Variants in ACSM4 observed in about 807,000 individuals in gnomAD.
The protein encoded by ACSM4 is acyl-coenzyme A synthetase ACSM4, mitochondrial.
Under a neutral mutation model 73.0 loss-of-function variants are expected in ACSM4, and 66 were observed. The ratio of observed to expected loss-of-function variants is 0.90; its 90% CI spans 0.74 to 1.11. The LOEUF (loss-of-function observed/expected upper bound fraction) is 1.11, where lower values mean the gene tolerates loss of function less well. Ranked by LOEUF, ACSM4 falls within the 50% of genes least tolerant of loss-of-function variation. The probability of loss-of-function intolerance (pLI) is 0.00; values close to 1 mark genes in which losing one functional copy is unlikely to be tolerated. For synonymous variants in ACSM4, 222 were observed against 254.0 expected (o/e 0.87, Z 1.20); for missense variants, 645 against 714.4 (o/e 0.90, Z 1.11).
chr12:7,309,198 G>T (rs1352663630), intron 2 of ACSM4, among the ~76,000 whole-genome samples: 2 of 152,160 alleles, frequency 1.3e-5, no homozygotes, highest in Non-Finnish European at 2.9e-5. Context: ...GATGAAATGA[G>T]GAGGTGAGAT....
intron 2 of ACSM4, among the ~76,000 whole-genome samples, chr12:7,307,078 C>A (rs1946366596): frequency 6.6e-6 from 1 of 152,062 alleles, no homozygotes; most frequent in African/African-American, 2.4e-5. Flanking sequence ...CATACTGAAA[C>A]CCCGTCTCTA....
intron 6 of ACSM4, among the ~76,000 whole-genome samples, chr12:7,321,473 G>C (rs1946463237): frequency 6.6e-6 from 1 of 152,342 alleles, no homozygotes; most frequent in Admixed American, 6.5e-5. Context: ...GAGGGAAAGT[G>C]CTATGCGAGA....
At chr12:7,326,862 T>A in intron 11 of ACSM4, 114 bp from the exon 12 acceptor site, 4 of 1,193,354 alleles carry the variant, frequency 3.4e-6, no homozygotes, top group Non-Finnish European at 4.5e-6. Flanking sequence ...GCATTTGCAG[T>A]CATCACACAA....
rs779833405 is a variant in ACSM4, at chr12:7,311,844, C to A, written c.620+1098C>A. 3.9e-5 allele frequency among the ~76,000 whole-genome samples: 6 copies of A among 152,232 alleles called. No homozygotes were observed. In the South Asian group the frequency reaches 1.2e-3, roughly 32 times the overall value. On this transcript the variant is annotated intron_variant, in intron 3 of 12. Transcript: ENST00000399422. ...AGCTGGGATTACAGGCACCTGCCAC[C>A]ACCCCTGGCTCATTTTTGTATTTTT... is the stretch of plus-strand genomic sequence containing the variant.
chr12:7,319,380 A>G (rs1946443386), intron 5 of ACSM4, among the ~76,000 whole-genome samples: 1 of 152,122 alleles, frequency 6.6e-6, no homozygotes, highest in Non-Finnish European at 1.5e-5. Flanking sequence ...TCACGAGGTC[A>G]GGAGTTCAAG....
intron 4 of ACSM4, 71 bp from the exon 5 acceptor site, chr12:7,317,955 T>G: frequency 3.9e-6 from 6 of 1,533,826 alleles, no homozygotes; most frequent in Non-Finnish European, 5.3e-6. Flanking sequence ...AAGTCACCCC[T>G]GAAAGATACC....
At chr12:7,307,373 T>C (rs1203349636) in intron 2 of ACSM4, among the ~76,000 whole-genome samples, 1 of 152,202 alleles carries the variant, frequency 6.6e-6, no homozygotes, top group Non-Finnish European at 1.5e-5. Context: ...AAAGCAAATT[T>C]GGGTACCAAC....
intron 1 of ACSM4, among the ~76,000 whole-genome samples, chr12:7,304,847 T>C (rs1039905368): frequency 6.6e-6 from 1 of 152,234 alleles, no homozygotes; most frequent in African/African-American, 2.4e-5. Flanking sequence ...CACAGGCTTA[T>C]CGAAAAAGTA....
At chr12:7,315,831 A>G (rs1234701407) in intron 3 of ACSM4, among the ~76,000 whole-genome samples, 3 of 152,124 alleles carry the variant, frequency 2.0e-5, no homozygotes. Flanking sequence ...CTGGGGCTCA[A>G]GTATCCAAGG....
intron 3 of ACSM4, among the ~76,000 whole-genome samples, chr12:7,311,297 G>C (rs747045331): frequency 5.3e-5 from 8 of 152,256 alleles, no homozygotes; most frequent in South Asian, 2.1e-4. Flanking sequence ...TGTGGCCTAT[G>C]ATGAGTATCC....
At chr12:7,309,885 G>A (rs751853420) in intron 2 of ACSM4, among the ~76,000 whole-genome samples, 1 of 152,334 alleles carries the variant, frequency 6.6e-6, no homozygotes, top group East Asian at 1.9e-4. Flanking sequence ...CAGGGTTCAA[G>A]TGATTCTCCT....
chr12:7,325,445 G>A lies in ACSM4; in HGVS notation c.1536+847G>A, dbSNP rs182866101. 2.2e-3 allele frequency among the ~76,000 whole-genome samples: 329 copies of A among 152,272 alleles called. 1 individual carries two copies. Among genetic ancestry groups the A allele is most frequent in the African/African-American group, 7.5e-3 (312 of 41,546 alleles). On this transcript the variant is annotated intron_variant, in intron 11 of 12. Transcript: ENST00000399422. Reference sequence around the variant, plus strand: ...GTGGATCACTTGAGGTCAGGAGTTCGAGACCAGCCTGGCCAACATGGTGAA... The same window carrying A: ...GTGGATCACTTGAGGTCAGGAGTTCAAGACCAGCCTGGCCAACATGGTGAA...
intron 2 of ACSM4, among the ~76,000 whole-genome samples, chr12:7,309,993 G>A (rs1344213099): frequency 2.0e-5 from 3 of 151,824 alleles, no homozygotes; most frequent in African/African-American, 4.8e-5. Context: ...CATGTTGCTC[G>A]GGGTGGTCTC....
At chr12:7,318,782 T>C (rs1946439738) in intron 5 of ACSM4, among the ~76,000 whole-genome samples, 1 of 152,202 alleles carries the variant, frequency 6.6e-6, no homozygotes, top group Non-Finnish European at 1.5e-5. Context: ...TTTTCAACCA[T>C]GGCAAATTTA....
At chr12:7,309,177 C>G (rs1163449835) in intron 2 of ACSM4, among the ~76,000 whole-genome samples, 1 of 152,184 alleles carries the variant, frequency 6.6e-6, no homozygotes, top group Non-Finnish European at 1.5e-5. Context: ...ACATCTCCAG[C>G]CAGTGTTTAG....
intron 6 of ACSM4, 76 bp downstream of exon 6, chr12:7,320,880 A>T: frequency 7.9e-7 from 1 of 1,273,640 alleles, no homozygotes; most frequent in Non-Finnish European, 1.1e-6. Context: ...CTTTTTCAGC[A>T]TAGGATAGCT....
rs748723592 is a variant in ACSM4, at chr12:7,324,588, T to C, written c.1526T>C (p.Ile509Thr). The C allele has an allele frequency of 2.5e-6, 4 of 1,613,854 alleles. No homozygotes were observed. The highest frequency in any genetic ancestry group is 1.3e-5 in the African/African-American group (1 of 75,008). The change falls in exon 11 of 13, where the codon ATC (isoleucine) becomes ACC (threonine). Residue 509 changes from isoleucine to threonine, a missense_variant. Transcript: ENST00000399422. ...GCTGTTGTCAGTAGTCCAGATCAAA[T>C]CCGCGGAGAGGTAGATGAATGTCAT... ...ESAVVSSPDQ[I>T]RGEVVKAFVV... is the part of the protein sequence containing the mutation.
At chr12:7,322,327 T>C (rs769798746) in intron 6 of ACSM4, 91 bp from the exon 7 acceptor site, 2 of 1,563,438 alleles carry the variant, frequency 1.3e-6, no homozygotes, top group Admixed American at 3.3e-5. Flanking sequence ...CTCTCCTAGC[T>C]GCTATGCTTA....
chr12:7,318,092 C>G lies in ACSM4; in HGVS notation c.831C>G (p.Ala277=). 2 of 1,613,784 alleles carry G rather than the reference C, an allele frequency of 1.2e-6. No homozygotes were observed. Among genetic ancestry groups the G allele is most frequent in the East Asian group, 2.2e-5 (1 of 44,864 alleles). The change falls in exon 5 of 13, where the codon GCC becomes GCG. Residue 277 remains alanine, a synonymous_variant. Coordinates refer to ENST00000399422, the MANE Select transcript of ACSM4 (RefSeq NM_001080454.2). ...WNMSDTGWVK[A]AIGSVFSSWL... ...TGTCTGACACGGGCTGGGTCAAGGC[C>G]GCCATTGGCAGTGTGTTTTCTTCCT... is the stretch of plus-strand genomic sequence containing the variant.
Sources: allele counts gnomAD v4.1 joint callset (sites outside exome capture counted in the v4.1 genomes callset), GRCh38; gene constraint gnomAD v4.1.1; transcripts MANE v1.5; gene names NCBI Gene and HGNC (gene_info 2026-07-23, HGNC 2026-07-21).